The following CEP170 variants were observed in gnomAD, a reference collection of about 807,000 sequenced individuals.
The protein encoded by CEP170 is centrosomal protein 170, also known as centrosomal protein of 170 kDa.
CEP170 carries 21 observed loss-of-function variants against 151.9 expected under a neutral mutation model. That is an observed-to-expected ratio of 0.14 (90% CI 0.10 to 0.20). CEP170 has a LOEUF of 0.20. Among genes scored for constraint, CEP170 ranks in the 10% least tolerant of loss-of-function variants. The pLI is 1.00. For synonymous variants in CEP170, 356 were observed against 648.8 expected, an observed-to-expected ratio of 0.55 and a Z score of 6.86; for missense variants, 964 against 1,892.9, an observed-to-expected ratio of 0.51 and a Z score of 9.11.
chr1:243,145,913 G>A (rs1202494867), intron 14 of CEP170, among the ~76,000 whole-genome samples: 1 of 152,130 alleles, frequency 6.6e-6, no homozygotes, highest in African/African-American at 2.4e-5. Context: ...TTCCAGAAAA[G>A]CTCATGGTTT....
intron 4 of CEP170, among the ~76,000 whole-genome samples, chr1:243,206,518 A>G (rs981208826): frequency 3.3e-5 from 5 of 152,242 alleles, no homozygotes; most frequent in Admixed American, 2.6e-4. Flanking sequence ...GCCATAGTAC[A>G]AGAAATGTTG....
chr1:243,181,230 G>C (rs1193246780), intron 10 of CEP170, among the ~76,000 whole-genome samples: 2 of 152,172 alleles, frequency 1.3e-5, no homozygotes, highest in Non-Finnish European at 2.9e-5. Flanking sequence ...TTATCGGAGA[G>C]GCCAAGGGAG....
chr1:243,134,736 C>G (rs550569009), intron 17 of CEP170, among the ~76,000 whole-genome samples: 1 of 151,550 alleles, frequency 6.6e-6, no homozygotes, highest in Non-Finnish European at 1.5e-5. Flanking sequence ...TCAAATGATC[C>G]GCCTGCCTTG....
chr1:243,155,113 G>A (rs2057431081), intron 14 of CEP170, among the ~76,000 whole-genome samples: 2 of 152,086 alleles, frequency 1.3e-5, no homozygotes, highest in South Asian at 4.1e-4. Context: ...TAGAACAACT[G>A]GCTTAAAATG....
At position 243,191,346 on chromosome 1, in the gene CEP170, A is replaced by G. The variant is rs778828180; in HGVS notation, c.780T>C (p.His260=). The change falls in exon 8 of 20, where the codon CAT becomes CAC. Residue 260 remains histidine (H), a synonymous_variant. Coordinates refer to ENST00000366542, the MANE Select transcript of CEP170 (RefSeq NM_014812.3). The part of the protein sequence containing the change: ...QPSQITESTI[H]EIPTKDTPSS... ...TTGGCGTGTCTTTTGTTGGGATTTC[A>G]TGAATAGTGCTTTCTGTTATTTGTG... The G allele has an allele frequency of 2.5e-6, 4 of 1,612,566 alleles. No individual in the cohort carries two copies. Among genetic ancestry groups the G allele is most frequent in the East Asian group, 2.2e-5 (1 of 44,890 alleles).
At chr1:243,241,144 A>G (rs1305763685) in intron 1 of CEP170, among the ~76,000 whole-genome samples, 1 of 152,244 alleles carries the variant, frequency 6.6e-6, no homozygotes. Flanking sequence ...ATAAAAATGA[A>G]AAGTTAATGA....
intron 7 of CEP170, among the ~76,000 whole-genome samples, chr1:243,198,223 C>T (rs944569801): frequency 6.6e-6 from 1 of 152,092 alleles, no homozygotes; most frequent in African/African-American, 2.4e-5. Flanking sequence ...TTTCTGTTCT[C>T]ATGTCTTTGC....
At chr1:243,226,330 T>C (rs1276915541) in intron 1 of CEP170, among the ~76,000 whole-genome samples, 2 of 151,304 alleles carry the variant, frequency 1.3e-5, no homozygotes, top group East Asian at 3.9e-4. Context: ...ATTTAAAAAT[T>C]ACTAACATTT....
At chr1:243,249,771 G>T (rs1434891905) in intron 1 of CEP170, among the ~76,000 whole-genome samples, 1 of 152,058 alleles carries the variant, frequency 6.6e-6, no homozygotes, top group Admixed American at 6.5e-5. Flanking sequence ...AGGATATAAT[G>T]GTTTTCTCTT....
chr1:243,137,676 A>C (rs576652732), intron 16 of CEP170, among the ~76,000 whole-genome samples: 3 of 151,910 alleles, frequency 2.0e-5, no homozygotes, highest in Admixed American at 1.3e-4. Flanking sequence ...TCGGGAGGCT[A>C]AGGCAGGGGA....
At chr1:243,161,056 C>T (rs560689593) in intron 13 of CEP170, among the ~76,000 whole-genome samples, 5,628 of 149,316 alleles carry the variant, frequency 0.038, 377 homozygotes, top group African/African-American at 0.13. Flanking sequence ...GGCGCAGTGG[C>T]TCATGCCTGT....
chr1:243,161,614 G>A (rs1459765805), intron 13 of CEP170, among the ~76,000 whole-genome samples: 3 of 152,014 alleles, frequency 2.0e-5, no homozygotes, highest in Non-Finnish European at 4.4e-5. Flanking sequence ...TGGGATTACA[G>A]GCATGAAACA....
chr1:243,177,916 A>G (rs1366919060), intron 10 of CEP170, among the ~76,000 whole-genome samples: 1 of 152,226 alleles, frequency 6.6e-6, no homozygotes, highest in African/African-American at 2.4e-5. Context: ...ATATATGTGC[A>G]TGCACATTCA....
intron 17 of CEP170, among the ~76,000 whole-genome samples, chr1:243,130,007 T>C (rs2054207413): frequency 1.3e-5 from 2 of 152,156 alleles, no homozygotes; most frequent in East Asian, 3.8e-4. Context: ...GGCATGTATG[T>C]GTAGGAAAAT....
chr1:243,180,539 GCTCT>G (rs1399576128), intron 10 of CEP170, among the ~76,000 whole-genome samples: 1 of 152,112 alleles, frequency 6.6e-6, no homozygotes, highest in Non-Finnish European at 1.5e-5. Context: ...ATTGTCCAAG[GCTCT>G]CACTTGATCT....
At chr1:243,177,540 G>C (rs539145819) in intron 10 of CEP170, among the ~76,000 whole-genome samples, 1 of 152,184 alleles carries the variant, frequency 6.6e-6, no homozygotes, top group African/African-American at 2.4e-5. Context: ...GACTTCTTGG[G>C]TAAGGAGAGC....
At chr1:243,210,693 CA>C (rs1384277084) in intron 4 of CEP170, among the ~76,000 whole-genome samples, 2 of 131,322 alleles carry the variant, frequency 1.5e-5, no homozygotes, top group Non-Finnish European at 3.1e-5. Flanking sequence ...TGGCTCACTG[CA>C]ACCTCTGCCT....
intron 1 of CEP170, among the ~76,000 whole-genome samples, chr1:243,234,908 G>A (rs751190178): frequency 6.6e-6 from 1 of 152,052 alleles, no homozygotes; most frequent in Non-Finnish European, 1.5e-5. Flanking sequence ...TATGAATCAG[G>A]CACTGTTCTA....
intron 13 of CEP170, among the ~76,000 whole-genome samples, chr1:243,158,480 T>C (rs1315333521): frequency 6.6e-6 from 1 of 152,114 alleles, no homozygotes; most frequent in Non-Finnish European, 1.5e-5. Flanking sequence ...TGAGGTAACT[T>C]AGAAAGAATG....
Sources: allele counts gnomAD v4.1 joint callset (sites outside exome capture counted in the v4.1 genomes callset), GRCh38; gene constraint gnomAD v4.1.1; transcripts MANE v1.5; gene names NCBI Gene and HGNC (gene_info 2026-07-23, HGNC 2026-07-21).